Variants in METTL22 observed in about 807,000 individuals in gnomAD.
METTL22 encodes the protein methyltransferase 22, Kin17 lysine.
A neutral mutation model predicts 48.4 loss-of-function variants in METTL22; 51 were observed. That is an observed-to-expected ratio of 1.05 (90% CI 0.84 to 1.33). The LOEUF (loss-of-function observed/expected upper bound fraction) is 1.33. METTL22 is among the 40% of genes most tolerant of loss of function. The pLI is 0.00. For missense variants in METTL22, 678 were observed against 526.9 expected (o/e 1.29, Z -2.81); for synonymous variants, 255 against 214.1 (o/e 1.19, Z -1.67).
At chr16:8,623,361 G>T (rs912074416) in intron 1 of METTL22, among the ~76,000 whole-genome samples, 2 of 151,272 alleles carry the variant, frequency 1.3e-5, no homozygotes, top group Non-Finnish European at 1.5e-5. Context: ...GGCATCCTTT[G>T]GTTCACTTTT....
intron 5 of METTL22, among the ~76,000 whole-genome samples, chr16:8,636,428 C>T (rs2056423711): frequency 6.6e-6 from 1 of 150,500 alleles, no homozygotes; most frequent in Non-Finnish European, 1.5e-5. Context: ...ATCCCAGCTA[C>T]TTGGGAGGCT....
intron 5 of METTL22, among the ~76,000 whole-genome samples, chr16:8,637,857 G>C (rs1271922995): frequency 6.6e-6 from 1 of 152,122 alleles, no homozygotes; most frequent in Non-Finnish European, 1.5e-5. Flanking sequence ...GCTGACCCTG[G>C]CCAGGCGTGG....
chr16:8,630,741 G>T (rs1488428729), intron 3 of METTL22, among the ~76,000 whole-genome samples: 1 of 152,194 alleles, frequency 6.6e-6, no homozygotes, highest in Non-Finnish European at 1.5e-5. Flanking sequence ...CTGTTCCGGT[G>T]ACCTCACGGT....
At position 8,625,647 on chromosome 16, in the gene METTL22, C is replaced by G; in HGVS notation, c.-19C>G. On this transcript the variant is annotated 5_prime_UTR_variant, in exon 2 of 11. Coordinates refer to ENST00000381920, the MANE Select transcript of METTL22 (RefSeq NM_024109.4). ...CCTCTGAGGGACTCCTGTCCTAGGACTAAGGTGGAGCCTGGGCCATGGTAC... is the reference window on the plus strand; with the variant it reads ...CCTCTGAGGGACTCCTGTCCTAGGAGTAAGGTGGAGCCTGGGCCATGGTAC... 6.2e-7 allele frequency: 1 copy of G among 1,613,876 alleles called. No homozygotes were observed. Among genetic ancestry groups the G allele is most frequent in the South Asian group, 1.1e-5 (1 of 91,076 alleles).
chr16:8,641,686 C>T (rs2056623237), intron 7 of METTL22: 1 of 385,384 alleles, frequency 2.6e-6, no homozygotes, highest in Admixed American at 3.6e-5. Context: ...AAAAGTCGTT[C>T]CTTGAGTACT....
At chr16:8,650,138 C>T (rs922151990), downstream of METTL22, among the ~76,000 whole-genome samples, 3 of 152,198 alleles carry the variant, frequency 2.0e-5, no homozygotes, top group African/African-American at 7.2e-5. Context: ...TCAGCCTGGG[C>T]AACATACAGA....
chr16:8,630,802 A>C (rs997584566), intron 3 of METTL22, among the ~76,000 whole-genome samples: 2 of 152,166 alleles, frequency 1.3e-5, no homozygotes, highest in African/African-American at 4.8e-5. Context: ...GCTGTCAGTC[A>C]CTCACTACCT....
chr16:8,664,031 C>T, the METTL22 span, among the ~76,000 whole-genome samples: 2 of 152,072 alleles, frequency 1.3e-5, no homozygotes, highest in Admixed American at 1.3e-4. Context: ...AGTTAATAAC[C>T]ACTGGGCTAG....
intron 5 of METTL22, 121 bp from the exon 6 acceptor site, chr16:8,638,970 G>T: frequency 1.1e-6 from 1 of 947,976 alleles, no homozygotes; most frequent in Non-Finnish European, 1.7e-6. Flanking sequence ...AGACACATAG[G>T]AGAAACGTTT....
chr16:8,626,561 G>A (rs1434947506), intron 2 of METTL22, among the ~76,000 whole-genome samples: 1 of 149,198 alleles, frequency 6.7e-6, no homozygotes, highest in Non-Finnish European at 1.5e-5. Flanking sequence ...CAACTCTCCT[G>A]CCTCAGCCTC....
In METTL22 at chr16:8,647,023, T is replaced by G; in HGVS notation, c.*880T>G. Reference sequence around the variant, plus strand: ...ACCCTTGGCCCTCCCTGCAGCCCCTTTCCCCTGCCTTGCTGCTGCCGCACA... The same window carrying G: ...ACCCTTGGCCCTCCCTGCAGCCCCTGTCCCCTGCCTTGCTGCTGCCGCACA... On this transcript the variant is annotated 3_prime_UTR_variant, in exon 11 of 11. Transcript: ENST00000381920. 3.3e-6 allele frequency: 1 copy of G among 305,066 alleles called. No homozygotes were observed. Among genetic ancestry groups the G allele is most frequent in the Non-Finnish European group, 6.5e-6 (1 of 154,732 alleles). The allele number at this position is 305,066 out of a possible 1,614,324, so 18.9% of individuals were successfully genotyped here. A position where few individuals can be genotyped will look rare whatever the true frequency, so the allele number is the denominator to read the frequency against.
At chr16:8,642,339 T>C (rs2056646546) in intron 8 of METTL22, 124 bp from the exon 9 acceptor site, 3 of 1,259,882 alleles carry the variant, frequency 2.4e-6, no homozygotes, top group Non-Finnish European at 3.5e-6. Flanking sequence ...TCTGCAGTTT[T>C]AATTCTGGAA....
In METTL22 at chr16:8,629,010, G is replaced by T. The variant is rs1404915862; in HGVS notation, c.414G>T (p.Gly138=). 28 of 1,614,000 alleles carry T rather than the reference G, an allele frequency of 1.7e-5. No individual in the cohort carries two copies. Among genetic ancestry groups the T allele is most frequent in the Non-Finnish European group, 1.9e-5 (23 of 1,180,050 alleles). The change falls in exon 3 of 11, where the codon GGG becomes GGT. Residue 138 remains glycine, a synonymous_variant. Coordinates refer to ENST00000381920, the MANE Select transcript of METTL22 (RefSeq NM_024109.4). ...PRAASDSNPA[G]PLRDKVHPMI... The stretch of plus-strand genomic sequence containing the variant: ...CCGCCTCTGATTCCAACCCAGCAGG[G>T]CCTCTGAGAGACAAGGTACATCCCA...
intron 3 of METTL22, chr16:8,631,583 C>G (rs1389588751): frequency 6.6e-6 from 1 of 152,266 alleles, no homozygotes; most frequent in South Asian, 2.1e-4. Flanking sequence ...AAATGTAAGC[C>G]TCTGTCCTGG....
the METTL22 span, chr16:8,667,204 T>A: frequency 6.6e-6 from 1 of 152,116 alleles, no homozygotes; most frequent in Non-Finnish European, 1.5e-5. Flanking sequence ...TCAATCTCAG[T>A]TCAGGTTTTC....
chr16:8,660,732 C>T, the METTL22 span, among the ~76,000 whole-genome samples: 8 of 144,758 alleles, frequency 5.5e-5, no homozygotes, highest in South Asian at 2.3e-4. Flanking sequence ...TGAATGAGGG[C>T]GGTCGCTGCT....
chr16:8,634,790 G>A (rs2056371904), intron 3 of METTL22, among the ~76,000 whole-genome samples: 1 of 152,106 alleles, frequency 6.6e-6, no homozygotes, highest in Admixed American at 6.6e-5. Context: ...TGGGCTGTAG[G>A]GCAGAGATAC....
chr16:8,651,242 C>G (rs905479223), downstream of METTL22, among the ~76,000 whole-genome samples: 3 of 151,324 alleles, frequency 2.0e-5, no homozygotes, highest in African/African-American at 7.3e-5. Context: ...AAAAAATTAG[C>G]CAGGCGTGGT....
At chr16:8,653,281 A>G (rs911945306), downstream of METTL22, among the ~76,000 whole-genome samples, 11 of 152,216 alleles carry the variant, frequency 7.2e-5, no homozygotes, top group African/African-American at 2.7e-4. Flanking sequence ...CACAAGGGAC[A>G]ACGCTAAGTT....
Sources: allele counts gnomAD v4.1 joint callset (sites outside exome capture counted in the v4.1 genomes callset), GRCh38; gene constraint gnomAD v4.1.1; transcripts MANE v1.5; gene names NCBI Gene and HGNC (gene_info 2026-07-23, HGNC 2026-07-21).